Variants in CEP250 observed in about 807,000 individuals in gnomAD.
CEP250 encodes the protein centrosome-associated protein CEP250.
A neutral mutation model predicts 315.7 loss-of-function variants in CEP250; 242 were observed. That is an observed-to-expected ratio of 0.77 (90% CI 0.69 to 0.85). The LOEUF (loss-of-function observed/expected upper bound fraction) is 0.85, where lower values mean the gene tolerates loss of function less well. Among genes scored for constraint, CEP250 ranks in the 40% least tolerant of loss-of-function variants. CEP250 has a pLI of 0.00. For synonymous variants in CEP250, 1,088 were observed against 1,175.0 expected, an observed-to-expected ratio of 0.93 and a Z score of 1.51; for missense variants, 2,515 against 2,886.4, an observed-to-expected ratio of 0.87 and a Z score of 2.95.
In CEP250 at chr20:35,473,879, G is replaced by C; in HGVS notation, c.1398G>C (p.Glu466Asp). The change falls in exon 14 of 35, where the codon GAG becomes GAC. Residue 466 changes from glutamate to aspartate, a missense_variant. Physicochemically the swap from Glu to Asp is conservative, Grantham distance 45 (BLOSUM62 2). Transcript: ENST00000397527. ...GEVDSLSKER[E>D]LLQKAREELR... ...GATTCCCTTCTTCCAGGGAGCGAGA[G>C]CTGCTGCAGAAGGCCAGGGAAGAGC... The C allele has an allele frequency of 6.2e-7, 1 of 1,611,770 alleles. No individual in the cohort carries two copies. Among genetic ancestry groups the C allele is most frequent in the Non-Finnish European group, 8.5e-7 (1 of 1,179,312 alleles).
rs776611579 is a variant in CEP250, at chr20:35,511,677, C to T, written c.*51C>T. ...AGAAGACTGTGTCATGGGTCATGGC[C>T]CCTCCGCACACCTACAGGTTTGCCA... is the stretch of plus-strand genomic sequence containing the variant. On this transcript the variant is annotated 3_prime_UTR_variant, in exon 35 of 35. Coordinates refer to ENST00000397527, the MANE Select transcript of CEP250 (RefSeq NM_007186.6). The T allele has an allele frequency of 2.4e-5, 38 of 1,556,942 alleles. 2 individuals are homozygous for T. The South Asian group carries it at 4.5e-4, about 18-fold the overall frequency.
chr20:35,508,502 A>G (rs1481462609), intron 32 of CEP250, among the ~76,000 whole-genome samples: 2 of 151,980 alleles, frequency 1.3e-5, no homozygotes, highest in African/African-American at 2.4e-5. Flanking sequence ...TTTAGTAGAG[A>G]TGGTGTTTCA....
Position 35,479,785 on chromosome 20 carries a change from A to G in CEP250, c.2416+12A>G, listed in dbSNP as rs1315661349. 6.2e-7 allele frequency: 1 copy of G among 1,614,144 alleles called. No individual in the cohort carries two copies. Among genetic ancestry groups the G allele is most frequent in the South Asian group, 1.1e-5 (1 of 91,080 alleles). On this transcript the variant is annotated intron_variant, in intron 19 of 34. Coordinates refer to ENST00000397527, the MANE Select transcript of CEP250 (RefSeq NM_007186.6). ...GGAAGTAATCCAAGGTGAGAACCCA[A>G]CTGGGATGGGATGCACTCCATTCCA...
chr20:35,505,810 GA>G (rs2064170968), intron 30 of CEP250, among the ~76,000 whole-genome samples: 1 of 152,114 alleles, frequency 6.6e-6, no homozygotes, highest in Non-Finnish European at 1.5e-5. Flanking sequence ...GAGGATTTGG[GA>G]AGAGACCGGA....
chr20:35,473,855 A>G lies in CEP250; in HGVS notation c.1389-15A>G, dbSNP rs1315605852. ...GTCCTATGGTCTCTGCTCATCTCTGATTCCCTTCTTCCAGGGAGCGAGAGC... is the reference window on the plus strand; with the variant it reads ...GTCCTATGGTCTCTGCTCATCTCTGGTTCCCTTCTTCCAGGGAGCGAGAGC... On this transcript the variant is annotated splice_polypyrimidine_tract_variant and intron_variant, in intron 13 of 34. Transcript: ENST00000397527. 6.2e-7 allele frequency: 1 copy of G among 1,604,320 alleles called. No homozygotes were observed. The highest frequency in any genetic ancestry group is 1.1e-5 in the South Asian group (1 of 89,794).
rs1452510260 is a variant in CEP250 at position 35,517,419 on chromosome 20, G to T, written c.*5793G>T. ...GAGGAGCTGCCTATTCACAGTGTAGGGTTGTCAAGCTGGAGGCAGGGAGAG... is the reference window on the plus strand; with the variant it reads ...GAGGAGCTGCCTATTCACAGTGTAGTGTTGTCAAGCTGGAGGCAGGGAGAG... On this transcript the variant is annotated 3_prime_UTR_variant, in exon 35 of 35. Transcript: ENST00000397527. 6.6e-6 allele frequency: 1 copy of T among 152,172 alleles called. No homozygotes were observed. Among genetic ancestry groups the T allele is most frequent in the Non-Finnish European group, 1.5e-5 (1 of 68,036 alleles). The allele number at this position is 152,172 out of a possible 1,614,324, so 9.4% of individuals were successfully genotyped here. A position where few individuals can be genotyped will look rare whatever the true frequency, so the allele number is the denominator to read the frequency against.
At chr20:35,508,264 T>A in intron 32 of CEP250, 74 bp downstream of exon 32, 1 of 1,504,560 alleles carries the variant, frequency 6.6e-7, no homozygotes, top group African/African-American at 1.4e-5. Context: ...GCTCAGTAAA[T>A]TACAGCCTGT....
Position 35,467,555 on chromosome 20 carries a change from G to C in CEP250, c.851G>C (p.Arg284Pro). ...GDLEKAELQD[R>P]VTELSALLTQ... ...CTGGAGAAGGCTGAACTTCAGGACC[G>C]GTGAGATGGCCTGGGGTCCCAAGAA... The change falls in exon 9 of 35, where the codon CGG becomes CCG. Residue 284 changes from arginine to proline, a missense_variant and splice_region_variant. Transcript: ENST00000397527. 6.2e-7 allele frequency: 1 copy of C among 1,612,770 alleles called. No individual in the cohort carries two copies. The highest frequency in any genetic ancestry group is 2.2e-5 in the East Asian group (1 of 44,866).
rs189366679 is a variant in CEP250 at position 35,480,776 on chromosome 20, A to G, written c.2586+631A>G. On this transcript the variant is annotated intron_variant, in intron 20 of 34. Coordinates refer to ENST00000397527, the MANE Select transcript of CEP250 (RefSeq NM_007186.6). ...TCTGGCTAATTTTTGTATTTTTAGT[A>G]GAGATGGGGTTTCACCATGTTGGCC... Among the ~76,000 whole-genome samples, 131 of 151,888 alleles carry G rather than the reference A, an allele frequency of 8.6e-4. 1 individual carries two copies. The highest frequency in any genetic ancestry group is 2.9e-3 in the African/African-American group (119 of 41,424).
chr20:35,510,047 A>G lies in CEP250; in HGVS notation c.7058A>G (p.Gln2353Arg). Residue 2353 changes from glutamine to arginine, a missense_variant, in exon 34 of 35, where the codon CAG becomes CGG. By Grantham distance (43) the Gln-to-Arg change is conservative (BLOSUM62 1). Coordinates refer to ENST00000397527, the MANE Select transcript of CEP250 (RefSeq NM_007186.6). ...NSDAKCVAEL[Q>R]KEVVLLQAQL... ...GATGCCAAGTGTGTGGCTGAACTGC[A>G]GAAAGAGGTATGTTCTGGATTTTCT... 1 of 1,614,178 alleles carries G rather than the reference A, an allele frequency of 6.2e-7. No individual in the cohort carries two copies. The highest frequency in any genetic ancestry group is 8.5e-7 in the Non-Finnish European group (1 of 1,179,978).
rs773393766 is a variant in CEP250, at chr20:35,479,384, CGTG to C, written c.2249_2251del (p.Arg750_Asp751delinsHis). ...AGAGGTGCGGCTGCAGGCCGTGGAG[CGTG>C]ACCGGCAGGACCTCGCTGAACAACT... On this transcript the variant is annotated inframe_deletion, in exon 18 of 35. Transcript: ENST00000397527. The C allele has an allele frequency of 1.2e-6, 2 of 1,614,124 alleles. No homozygotes were observed. The highest frequency in any genetic ancestry group is 1.1e-5 in the South Asian group (1 of 91,084).
rs778663735 is a variant in CEP250 at position 35,494,584 on chromosome 20, G to C, written c.3094G>C (p.Glu1032Gln). 3 of 1,614,188 alleles carry C rather than the reference G, an allele frequency of 1.9e-6. No individual in the cohort carries two copies. The South Asian group carries it at 3.3e-5, about 18-fold the overall frequency. ...QDDSQRLVEQEVQEKLRETQE... is the reference protein window; with the variant it reads ...QDDSQRLVEQQVQEKLRETQE... Reference sequence around the variant, plus strand: ...TGACTCCCAGAGGCTGGTGGAGCAGGAGGTTCAGGAGAAGCTGAGAGAGAC... The same window carrying C: ...TGACTCCCAGAGGCTGGTGGAGCAGCAGGTTCAGGAGAAGCTGAGAGAGAC... Residue 1032 changes from glutamate to glutamine, a missense_variant, in exon 24 of 35, where the codon GAG (glutamate) becomes CAG (glutamine). Glu to Gln is a conservative substitution (Grantham distance 29). Coordinates refer to ENST00000397527, the MANE Select transcript of CEP250 (RefSeq NM_007186.6).
intron 5 of CEP250, 30 bp downstream of exon 5, chr20:35,463,661 T>G (rs760080444): frequency 6.3e-7 from 1 of 1,581,828 alleles, no homozygotes; most frequent in Non-Finnish European, 8.6e-7. Context: ...CTGCACCCCC[T>G]GGGTCCTCAG....
intron 8 of CEP250, 32 bp downstream of exon 8, chr20:35,467,104 G>T: frequency 1.5e-6 from 2 of 1,328,826 alleles, no homozygotes; most frequent in Non-Finnish European, 2.0e-6. Flanking sequence ...GAGGAGGTTT[G>T]CCCCTACCAA....
Position 35,504,414 on chromosome 20 carries a change from G to A in CEP250, c.6045G>A (p.Leu2015=). The change falls in exon 30 of 35, where the codon CTG becomes CTA. Residue 2015 remains leucine (L), a synonymous_variant. Coordinates refer to ENST00000397527, the MANE Select transcript of CEP250 (RefSeq NM_007186.6). ...CCTGCCAGGCACACAGTCGGCAGCTGGAGGAGGCTCTGAGGATACAAGAAG... is the reference window on the plus strand; with the variant it reads ...CCTGCCAGGCACACAGTCGGCAGCTAGAGGAGGCTCTGAGGATACAAGAAG... The part of the protein sequence containing the change: ...LDACQAHSRQ[L]EEALRIQEGE... The A allele has an allele frequency of 6.2e-7, 1 of 1,608,142 alleles. No homozygotes were observed. Among genetic ancestry groups the A allele is most frequent in the Non-Finnish European group, 8.5e-7 (1 of 1,177,304 alleles).
Position 35,466,840 on chromosome 20 carries a change from A to G in CEP250, c.493-126A>G, listed in dbSNP as rs928348392. On this transcript the variant is annotated intron_variant, in intron 7 of 34. Transcript: ENST00000397527. ...TTCACCATAACCTGGATAGATACCC[A>G]TTCATAAACTATCTCCTGTAAGTCC... 3 of 646,468 alleles carry G rather than the reference A, an allele frequency of 4.6e-6. No homozygotes were observed. In the East Asian group the frequency reaches 8.0e-5, roughly 17 times the overall value. The allele number at this position is 646,468 out of a possible 1,614,324, so 40.0% of individuals were successfully genotyped here.
Position 35,504,387 on chromosome 20 carries a change from T to C in CEP250, c.6018T>C (p.Asp2006=), listed in dbSNP as rs755632405. The change falls in exon 30 of 35, where the codon GAT becomes GAC. Residue 2006 remains aspartate (D), a synonymous_variant. Coordinates refer to ENST00000397527, the MANE Select transcript of CEP250 (RefSeq NM_007186.6). The part of the protein sequence containing the change: ...ASTATLQASL[D]ACQAHSRQLE... ...CTGCAACCCTGCAAGCCTCCCTGGA[T>C]GCCTGCCAGGCACACAGTCGGCAGC... The C allele has an allele frequency of 1.9e-6, 3 of 1,602,516 alleles. No homozygotes were observed. The Admixed American group carries it at 5.2e-5, about 28-fold the overall frequency.
chr20:35,490,834 G>T (rs373652812), intron 21 of CEP250, 30 bp downstream of exon 21: 5 of 1,607,400 alleles, frequency 3.1e-6, no homozygotes, highest in Non-Finnish European at 4.2e-6. Flanking sequence ...GGAGCTGCAC[G>T]TCCAGTCAGC....
intron 3 of CEP250, 132 bp from the exon 4 acceptor site, chr20:35,462,133 A>C (rs2062770162): frequency 5.7e-6 from 2 of 350,126 alleles, no homozygotes; most frequent in Non-Finnish European, 1.0e-5. Context: ...GGTCAGTTAA[A>C]TTTGGGGAAT....
Sources: gnomAD v4.1 joint callset for allele counts (sites outside exome capture counted in the v4.1 genomes callset) on GRCh38, gnomAD v4.1.1 for gene constraint, MANE v1.5 for transcripts, NCBI Gene and HGNC (gene_info 2026-07-23, HGNC 2026-07-21) for gene names.